Variants in USO1 observed in about 807,000 individuals in gnomAD.
USO1 encodes general vesicular transport factor p115.
USO1 carries 57 observed loss-of-function variants against 124.5 expected under a neutral mutation model. That is an observed-to-expected ratio of 0.46 (90% CI 0.37 to 0.57). The LOEUF (loss-of-function observed/expected upper bound fraction) is 0.57, where lower values mean the gene tolerates loss of function less well. Ranked by LOEUF, USO1 falls within the 20% of genes least tolerant of loss-of-function variation. The pLI, the probability that USO1 is intolerant of heterozygous loss-of-function variation, is 0.00. For missense variants in USO1, 900 were observed against 1,040.6 expected (o/e 0.86, Z 1.86); for synonymous variants, 369 against 362.8 (o/e 1.02, Z -0.19).
intron 17 of USO1, among the ~76,000 whole-genome samples, chr4:75,803,366 G>A (rs964604088): frequency 6.6e-6 from 1 of 151,706 alleles, no homozygotes; most frequent in Non-Finnish European, 1.5e-5. Flanking sequence ...ATAAAATTCT[G>A]GCCGGGCACG....
At chr4:75,793,997 G>C (rs993488014) in intron 13 of USO1, 96 bp downstream of exon 13, 3 of 1,514,362 alleles carry the variant, frequency 2.0e-6, no homozygotes, top group African/African-American at 1.4e-5. Context: ...AAAAAGGACA[G>C]AGAAGACTTA....
chr4:75,763,435 C>T (rs1560445007), intron 4 of USO1, among the ~76,000 whole-genome samples: 1 of 151,984 alleles, frequency 6.6e-6, no homozygotes, highest in Non-Finnish European at 1.5e-5. Flanking sequence ...TTATATTTTG[C>T]CTAGCTGTAG....
intron 1 of USO1, among the ~76,000 whole-genome samples, chr4:75,742,872 TATGA>T (rs1303240652): frequency 6.6e-6 from 1 of 152,348 alleles, no homozygotes; most frequent in Non-Finnish European, 1.5e-5. Context: ...CCAGTGAGTT[TATGA>T]ATTTTGCTTA....
In USO1 at chr4:75,741,613, T is replaced by C. The variant is rs1342602197; in HGVS notation, c.67-10760T>C. On this transcript the variant is annotated intron_variant, in intron 1 of 23. Transcript: ENST00000514213. ...TTTACTTTTTAAACTTTTTTTTTTTTTTTTTTTTTTTGAGACAGTCTCGCT... is the reference window on the plus strand; with the variant it reads ...TTTACTTTTTAAACTTTTTTTTTTTCTTTTTTTTTTTGAGACAGTCTCGCT... Among the ~76,000 whole-genome samples, 4 of 143,126 alleles carry C rather than the reference T, an allele frequency of 2.8e-5. No individual in the cohort carries two copies. The East Asian group carries it at 8.0e-4, about 29-fold the overall frequency. 93.9% of individuals were successfully genotyped at this position (143,126 alleles called of 152,430 possible). A position where few individuals can be genotyped will look rare whatever the true frequency, so the allele number is the denominator to read the frequency against.
chr4:75,799,791 C>G, intron 14 of USO1, 59 bp downstream of exon 14: 1 of 1,588,320 alleles, frequency 6.3e-7, no homozygotes, highest in Non-Finnish European at 8.6e-7. Context: ...TAGTTTTTCT[C>G]CTCAATTAGA....
At chr4:75,772,854 T>C (rs1002277334) in intron 7 of USO1, among the ~76,000 whole-genome samples, 3 of 152,118 alleles carry the variant, frequency 2.0e-5, no homozygotes, top group Non-Finnish European at 4.4e-5. Flanking sequence ...CCCAGCACTT[T>C]GGAAGGTCAA....
At chr4:75,757,685 CT>C in intron 4 of USO1, 112 bp downstream of exon 4, 1 of 1,055,084 alleles carries the variant, frequency 9.5e-7, no homozygotes, top group African/African-American at 1.7e-5. Flanking sequence ...AGTTTTTTTA[CT>C]TTTTTCATTA....
intron 16 of USO1, 57 bp from the exon 17 acceptor site, chr4:75,801,022 T>G (rs1722835045): frequency 7.0e-7 from 1 of 1,432,194 alleles, no homozygotes; most frequent in Non-Finnish European, 9.3e-7. Context: ...TAAGTCTTAG[T>G]AGTAAAATAG....
rs78578238 is a variant in USO1, at chr4:75,767,756, G to A, written c.296-2683G>A. Among the ~76,000 whole-genome samples, 417 of 152,292 alleles carry A rather than the reference G, an allele frequency of 2.7e-3. 3 individuals are homozygous for A. Among genetic ancestry groups the A allele is most frequent in the Non-Finnish European group, 4.5e-3 (306 of 68,024 alleles). ...ATGGTACATCATCTTGATTACTGTA[G>A]CTGTATAATAAATCTTGAAATTATG... is the stretch of plus-strand genomic sequence containing the variant. On this transcript the variant is annotated intron_variant, in intron 4 of 23. Coordinates refer to ENST00000514213, the MANE Select transcript of USO1 (RefSeq NM_003715.4).
chr4:75,754,360 G>A (rs578190211), intron 3 of USO1, among the ~76,000 whole-genome samples: 174 of 152,306 alleles, frequency 1.1e-3, no homozygotes, highest in African/African-American at 3.9e-3. Context: ...TGGGATTACA[G>A]GTGTGAGCCA....
In USO1 at chr4:75,812,190, A is replaced by C. The variant is rs772472642; in HGVS notation, c.2614A>C (p.Thr872Pro). The part of the protein sequence containing the change: ...NEIKALSEER[T>P]AIKEQLDSSN... Reference sequence around the variant, plus strand: ...AATTAAAGCTCTGTCTGAGGAAAGAACTGCCATTAAAGAGCAGCTGGATTC... The same window carrying C: ...AATTAAAGCTCTGTCTGAGGAAAGACCTGCCATTAAAGAGCAGCTGGATTC... Residue 872 changes from threonine to proline, a missense_variant, in exon 23 of 24, where the codon ACT becomes CCT. This residue lies in a region of USO1 where 362 missense variants were observed against 359.0 expected (regional missense o/e 1.01). Coordinates refer to ENST00000514213, the MANE Select transcript of USO1 (RefSeq NM_003715.4). 3 of 1,607,794 alleles carry C rather than the reference A, an allele frequency of 1.9e-6. No individual in the cohort carries two copies. The South Asian group carries it at 3.4e-5, about 18-fold the overall frequency.
chr4:75,794,457 C>T (rs1269112118), intron 13 of USO1, among the ~76,000 whole-genome samples: 1 of 152,170 alleles, frequency 6.6e-6, no homozygotes, highest in Non-Finnish European at 1.5e-5. Context: ...GTCTTAGACT[C>T]CTAATGAGAA....
In USO1 at chr4:75,801,171, A is replaced by G. The variant is rs1722839668; in HGVS notation, c.1957A>G (p.Thr653Ala). Reference protein sequence around the residue: ...KTLEQHDNIVTHYKNMIREQD... With the variant: ...KTLEQHDNIVAHYKNMIREQD... ...ATTAGAACAGCATGACAATATTGTGACTCACTACAAAAATATGATTCGAGA... is the reference window on the plus strand; with the variant it reads ...ATTAGAACAGCATGACAATATTGTGGCTCACTACAAAAATATGATTCGAGA... Residue 653 changes from threonine (T) to alanine (A), a missense_variant, in exon 17 of 24, where the codon ACT (threonine) becomes GCT (alanine). Coordinates refer to ENST00000514213, the MANE Select transcript of USO1 (RefSeq NM_003715.4). 1 of 1,609,254 alleles carries G rather than the reference A, an allele frequency of 6.2e-7. No individual in the cohort carries two copies. The highest frequency in any genetic ancestry group is 1.3e-5 in the African/African-American group (1 of 74,628).
chr4:75,772,437 C>G (rs1015314190), intron 7 of USO1, among the ~76,000 whole-genome samples: 1 of 151,976 alleles, frequency 6.6e-6, no homozygotes, highest in Non-Finnish European at 1.5e-5. Flanking sequence ...CAGGGTTTCA[C>G]CATATTGGCC....
rs762487301 is a variant in USO1, at chr4:75,782,721, T to G, written c.718T>G (p.Leu240Val). The change falls in exon 9 of 24, where the codon TTA (leucine) becomes GTA (valine). Residue 240 changes from leucine (L) to valine (V), a missense_variant. Leu to Val is a conservative substitution (Grantham distance 32). This residue lies in a region of USO1 where 538 missense variants were observed against 681.6 expected (regional missense o/e 0.79). Coordinates refer to ENST00000514213, the MANE Select transcript of USO1 (RefSeq NM_003715.4). ...TTGTTTGATTTTGCTCCAAAACTTA[T>G]TAAAAAACAACAACTCCAATCAAAA... is the stretch of plus-strand genomic sequence containing the variant. ...EDCLILLQNL[L>V]KNNNSNQNFF... The G allele has an allele frequency of 1.2e-5, 19 of 1,575,838 alleles. No individual in the cohort carries two copies. In the South Asian group the frequency reaches 2.0e-4, roughly 16 times the overall value.
intron 17 of USO1, among the ~76,000 whole-genome samples, chr4:75,801,803 A>T (rs1012262052): frequency 6.6e-6 from 1 of 152,190 alleles, no homozygotes; most frequent in African/African-American, 2.4e-5. Context: ...TCTTCCTCAC[A>T]ATCTACATTA....
rs558537039 is a variant in USO1 at position 75,772,401 on chromosome 4, T to G, written c.555+1264T>G. Among the ~76,000 whole-genome samples the G allele has an allele frequency of 2.2e-3, 332 of 152,086 alleles. 1 individual carries two copies. Among genetic ancestry groups the G allele is most frequent in the Non-Finnish European group, 3.7e-3 (253 of 67,978 alleles). On this transcript the variant is annotated intron_variant, in intron 7 of 23. Transcript: ENST00000514213. ...ACAGGCATGTGACATCACCCCCAGC[T>G]AATTTTTTTGTATTTTTAGTAGAGA...
At chr4:75,768,964 CTG>C (rs1475763158) in intron 4 of USO1, among the ~76,000 whole-genome samples, 2 of 152,216 alleles carry the variant, frequency 1.3e-5, no homozygotes, top group Non-Finnish European at 2.9e-5. Flanking sequence ...TTCTGATTCT[CTG>C]TATACTTCCA....
intron 20 of USO1, among the ~76,000 whole-genome samples, chr4:75,808,003 A>G (rs562650750): frequency 6.6e-6 from 1 of 152,172 alleles, no homozygotes; most frequent in Non-Finnish European, 1.5e-5. Flanking sequence ...GAAAAGCCAC[A>G]AATGTACATG....
Sources: allele counts gnomAD v4.1 joint callset (sites outside exome capture counted in the v4.1 genomes callset), GRCh38; gene constraint gnomAD v4.1.1; regional missense constraint gnomAD v4.1.1; transcripts MANE v1.5; gene names NCBI Gene and HGNC (gene_info 2026-07-23, HGNC 2026-07-21).